The following ENKUR variants were observed in gnomAD, a reference collection of about 807,000 sequenced individuals.
ENKUR encodes the protein enkurin.
In ENKUR, 19 loss-of-function variants were observed where a neutral mutation model predicts 27.6. The ratio of observed to expected loss-of-function variants is 0.69; its 90% confidence interval spans 0.48 to 1.01. The LOEUF is 1.01. Ranked by LOEUF, ENKUR falls within the 50% of genes least tolerant of loss-of-function variation. The pLI is 0.00. For missense variants in ENKUR, 312 were observed against 310.5 expected (o/e 1.00, Z -0.04); for synonymous variants, 117 against 96.9 (o/e 1.21, Z -1.22).
chr10:25,020,238 A>ATATATCTATATC (rs1554772119), upstream of ENKUR, among the ~76,000 whole-genome samples: 8,240 of 126,568 alleles, frequency 0.065, 563 homozygotes, highest in African/African-American at 0.16. Context: ...TTTCTTTAAA[A>ATATATCTATATC]TATATCTATA....
chr10:24,984,693 TC>T (rs1849742727), intron 5 of ENKUR, 42 bp downstream of exon 5: 1 of 1,521,820 alleles, frequency 6.6e-7, no homozygotes. Context: ...CATGTTTTTT[TC>T]CCCTACATTG....
chr10:25,002,254 G>A (rs946012807), intron 1 of ENKUR, among the ~76,000 whole-genome samples: 9 of 152,160 alleles, frequency 5.9e-5, no homozygotes, highest in African/African-American at 2.2e-4. Context: ...CTTGGCCTTG[G>A]TTGTTTCATT....
chr10:25,006,942 T>G (rs79498580), intron 1 of ENKUR, among the ~76,000 whole-genome samples: 4,022 of 152,308 alleles, frequency 0.026, 196 homozygotes, highest in African/African-American at 0.089. Context: ...GTGAAAAAGA[T>G]CAATAACTGG....
intron 2 of ENKUR, chr10:25,024,327 A>C (rs747459713): frequency 1.9e-6 from 3 of 1,614,076 alleles, no homozygotes; most frequent in African/African-American, 2.7e-5. Flanking sequence ...GTATCCCACC[A>C]AGTTGCAATT....
chr10:25,014,526 A>T (rs1850522466), intron 1 of ENKUR, among the ~76,000 whole-genome samples: 1 of 152,104 alleles, frequency 6.6e-6, no homozygotes, highest in Non-Finnish European at 1.5e-5. Context: ...TTTTTGAAAA[A>T]AAAAATCGTC....
intron 2 of ENKUR, among the ~76,000 whole-genome samples, chr10:25,053,464 G>A (rs748079089): frequency 1.8e-4 from 27 of 152,038 alleles, no homozygotes; most frequent in Non-Finnish European, 3.1e-4. Flanking sequence ...CCCAGCCTCC[G>A]GTAATCATTA....
intron 2 of ENKUR, among the ~76,000 whole-genome samples, chr10:25,032,354 T>A (rs181781374): frequency 2.0e-5 from 3 of 152,114 alleles, no homozygotes; most frequent in African/African-American, 7.2e-5. Context: ...ACATGTAGAT[T>A]TTTCAGTATG....
intron 2 of ENKUR, among the ~76,000 whole-genome samples, chr10:25,021,257 A>C (rs1373073326): frequency 6.6e-6 from 1 of 152,182 alleles, no homozygotes; most frequent in Admixed American, 6.5e-5. Context: ...TATTATAGAC[A>C]CTTATATAGC....
chr10:25,023,027 T>C, intron 2 of ENKUR: 1 of 495,914 alleles, frequency 2.0e-6, no homozygotes, highest in Non-Finnish European at 3.4e-6. Context: ...TGGAATACTT[T>C]TTTTAATTCC....
At chr10:25,002,325 T>C (rs1227210482) in intron 1 of ENKUR, among the ~76,000 whole-genome samples, 1 of 152,236 alleles carries the variant, frequency 6.6e-6, no homozygotes, top group Non-Finnish European at 1.5e-5. Flanking sequence ...TCCACAGTCC[T>C]CTCTCTATGC....
chr10:25,049,139 T>C (rs916498220), intron 2 of ENKUR, among the ~76,000 whole-genome samples: 1 of 152,180 alleles, frequency 6.6e-6, no homozygotes, highest in African/African-American at 2.4e-5. Context: ...GATGATAACA[T>C]ATCCTTCCTT....
chr10:25,016,275 G>C, upstream of ENKUR: 3 of 724,584 alleles, frequency 4.1e-6, no homozygotes, highest in Non-Finnish European at 5.2e-6. Flanking sequence ...TCATTTGGAA[G>C]CCACTGTTTT....
At chr10:25,056,374 A>G (rs1683333031) in intron 2 of ENKUR, among the ~76,000 whole-genome samples, 1 of 152,330 alleles carries the variant, frequency 6.6e-6, no homozygotes, top group African/African-American at 2.4e-5. Context: ...TCAGTCATGC[A>G]AATTTCTATA....
intron 2 of ENKUR, among the ~76,000 whole-genome samples, chr10:25,036,126 G>GT (rs1396664002): frequency 6.6e-6 from 1 of 152,170 alleles, no homozygotes; most frequent in Non-Finnish European, 1.5e-5. Context: ...GTTTGGCTGT[G>GT]TCCCCACCCA....
At chr10:24,994,455 A>T (rs908920494) in intron 3 of ENKUR, among the ~76,000 whole-genome samples, 1 of 149,470 alleles carries the variant, frequency 6.7e-6, no homozygotes, top group African/African-American at 2.5e-5. Flanking sequence ...TGCCTTAGCC[A>T]CCCGAGTAGC....
At chr10:24,989,075 G>T (rs1564334885) in intron 4 of ENKUR, among the ~76,000 whole-genome samples, 1 of 152,058 alleles carries the variant, frequency 6.6e-6, no homozygotes, top group Non-Finnish European at 1.5e-5. Context: ...AGAAGGGAAG[G>T]ACCTGTCACT....
In ENKUR at chr10:24,983,771, G is replaced by A. The variant is rs1331943587; in HGVS notation, c.*599C>T. 1 of 151,948 alleles carries A rather than the reference G, an allele frequency of 6.6e-6. No individual in the cohort carries two copies. Among genetic ancestry groups the A allele is most frequent in the Non-Finnish European group, 1.5e-5 (1 of 67,970 alleles). 9.4% of individuals were successfully genotyped at this position (151,948 alleles called of 1,614,324 possible). On this transcript the variant is annotated 3_prime_UTR_variant, in exon 6 of 6. Transcript: ENST00000331161. The stretch of plus-strand genomic sequence containing the variant: ...AAAACCAGTGTAAGCAGTAGAAATT[G>A]TTATTTCTCTGATATTTTATAGTTG...
chr10:25,037,367 T>A (rs1415405098), intron 2 of ENKUR, among the ~76,000 whole-genome samples: 1 of 152,142 alleles, frequency 6.6e-6, no homozygotes, highest in South Asian at 2.1e-4. Context: ...AAAAAGTAGC[T>A]TTATAGGATT....
At chr10:24,998,160 T>C (rs935265664) in intron 2 of ENKUR, among the ~76,000 whole-genome samples, 18 of 152,178 alleles carry the variant, frequency 1.2e-4, no homozygotes, top group African/African-American at 4.3e-4. Context: ...TAAAGAGAAG[T>C]AGTTTCACTT....
Sources: gnomAD v4.1 joint callset for allele counts (sites outside exome capture counted in the v4.1 genomes callset) on GRCh38, gnomAD v4.1.1 for gene constraint, MANE v1.5 for transcripts, NCBI Gene and HGNC (gene_info 2026-07-23, HGNC 2026-07-21) for gene names.